Variants in RIMS2 observed in about 807,000 individuals in gnomAD.
RIMS2 encodes the protein regulating synaptic membrane exocytosis 2, also known as regulating synaptic membrane exocytosis protein 2.
Under a neutral mutation model 174.4 loss-of-function variants are expected in RIMS2, and 59 were observed. The ratio of observed to expected loss-of-function variants is 0.34; its 90% CI spans 0.27 to 0.42. The LOEUF (loss-of-function observed/expected upper bound fraction) is 0.42. Among genes scored for constraint, RIMS2 ranks in the 10% least tolerant of loss-of-function variants. The pLI is 1.00. For missense variants in RIMS2, 1,620 were observed against 1,666.3 expected, an observed-to-expected ratio of 0.97 and a Z score of 0.48; for synonymous variants, 606 against 572.5, an observed-to-expected ratio of 1.06 and a Z score of -0.84.
intron 19 of RIMS2, among the ~76,000 whole-genome samples, chr8:104,230,222 T>C (rs1563891770): frequency 6.8e-6 from 1 of 146,094 alleles, no homozygotes; most frequent in South Asian, 2.1e-4. Flanking sequence ...GAGGTTGGGG[T>C]GAGCTGAGAT....
At chr8:104,109,296 C>CAAAAAAAAAA (rs1170353786) in intron 19 of RIMS2, among the ~76,000 whole-genome samples, 1 of 50,218 alleles carries the variant, frequency 2.0e-5, no homozygotes, top group Admixed American at 2.1e-4. Flanking sequence ...GACTCTGTCT[C>CAAAAAAAAAA]AAAAAAAAAA....
intron 4 of RIMS2, among the ~76,000 whole-genome samples, chr8:103,897,027 G>A (rs914320663): frequency 1.6e-4 from 24 of 151,666 alleles, no homozygotes; most frequent in Middle Eastern, 3.4e-3. Context: ...AAAGAGCCCC[G>A]TTACCCAAAG....
Position 103,913,744 on chromosome 8 carries a change from G to A in RIMS2, c.1812+1572G>A, listed in dbSNP as rs183932665. ...CGCATGTCACATGGCAAAAGCAGGA[G>A]CAAGAGAGAGTGGGAGTGGGAAGCA... On this transcript the variant is annotated intron_variant, in intron 6 of 23. Transcript: ENST00000504942. 4.4e-4 allele frequency among the ~76,000 whole-genome samples: 67 copies of A among 152,182 alleles called. No homozygotes were observed. In the East Asian group the frequency reaches 0.012, roughly 27 times the overall value.
chr8:103,989,249 G>A (rs2094542018), intron 16 of RIMS2, 56 bp from the exon 19 acceptor site: 4 of 1,035,932 alleles, frequency 3.9e-6, no homozygotes. Context: ...AATAAACCTC[G>A]TTTCTTAGTG....
At chr8:103,765,407 T>C (rs901378148) in intron 2 of RIMS2, among the ~76,000 whole-genome samples, 9 of 152,118 alleles carry the variant, frequency 5.9e-5, no homozygotes, top group African/African-American at 2.2e-4. Context: ...TTAGTGGGTG[T>C]AGAGTTTCAA....
intron 19 of RIMS2, among the ~76,000 whole-genome samples, chr8:104,028,463 A>G (rs2096305479): frequency 6.6e-6 from 1 of 152,166 alleles, no homozygotes. Context: ...TGAATTTTAA[A>G]AACAAATTAA....
intron 19 of RIMS2, among the ~76,000 whole-genome samples, chr8:104,122,141 G>C (rs2098383732): frequency 6.6e-6 from 1 of 152,060 alleles, no homozygotes; most frequent in Non-Finnish European, 1.5e-5. Flanking sequence ...GGAGATGGAA[G>C]CATTGCCTCA....
At chr8:103,983,725 C>T (rs1346592712) in intron 16 of RIMS2, among the ~76,000 whole-genome samples, 1 of 152,200 alleles carries the variant, frequency 6.6e-6, no homozygotes, top group South Asian at 2.1e-4. Flanking sequence ...ACCCCTATCT[C>T]TTGCCATATA....
intron 9 of RIMS2, chr8:103,918,711 TTAGATAGCATTATTA>T (rs2154528976): frequency 2.0e-6 from 1 of 497,398 alleles, no homozygotes; most frequent in East Asian, 3.3e-5. Context: ...TTACAGATTT[TTAGATAGCATTATTA>T]AGGTATACTA....
chr8:103,586,693 A>T (rs2093939421), intron 1 of RIMS2, among the ~76,000 whole-genome samples: 2 of 152,248 alleles, frequency 1.3e-5, no homozygotes, highest in South Asian at 4.1e-4. Context: ...CTAGAAAAGC[A>T]AGAGCACACT....
At chr8:103,650,476 C>T (rs138332133) in intron 1 of RIMS2, among the ~76,000 whole-genome samples, 1 of 152,344 alleles carries the variant, frequency 6.6e-6, no homozygotes, top group African/African-American at 2.4e-5. Context: ...TCAGGGGTCT[C>T]TTCTTTGTCT....
At chr8:103,843,687 T>A (rs2098953216) in intron 3 of RIMS2, among the ~76,000 whole-genome samples, 1 of 152,206 alleles carries the variant, frequency 6.6e-6, no homozygotes. Flanking sequence ...TAATACTTTA[T>A]CATAACTATG....
chr8:103,643,193 G>C (rs1197445999), intron 1 of RIMS2, among the ~76,000 whole-genome samples: 2 of 151,806 alleles, frequency 1.3e-5, no homozygotes, highest in Non-Finnish European at 2.9e-5. Flanking sequence ...CTGCTCTGTT[G>C]ATGAGTCTGT....
At chr8:103,572,206 C>T (rs908318092) in intron 1 of RIMS2, among the ~76,000 whole-genome samples, 2 of 152,124 alleles carry the variant, frequency 1.3e-5, no homozygotes, top group Admixed American at 6.6e-5. Flanking sequence ...CTTAAAGGTG[C>T]CGCGGACCCA....
chr8:104,163,318 A>T (rs2134900796), intron 19 of RIMS2, among the ~76,000 whole-genome samples: 1 of 152,310 alleles, frequency 6.6e-6, no homozygotes, highest in Non-Finnish European at 1.5e-5. Flanking sequence ...GTAAATATTT[A>T]TTGAACTTCC....
At chr8:103,604,139 G>A (rs1224156290) in intron 1 of RIMS2, among the ~76,000 whole-genome samples, 39 of 149,310 alleles carry the variant, frequency 2.6e-4, no homozygotes, top group East Asian at 5.8e-4. Context: ...TAGGTCTAAC[G>A]TTTAAGTCTT....
chr8:104,103,152 A>G (rs1156438897), intron 19 of RIMS2, among the ~76,000 whole-genome samples: 6 of 152,034 alleles, frequency 3.9e-5, no homozygotes, highest in Non-Finnish European at 5.9e-5. Flanking sequence ...ATATTGTATT[A>G]TTTCATTTAT....
intron 13 of RIMS2, among the ~76,000 whole-genome samples, chr8:103,942,069 T>C (rs1041874931): frequency 1.3e-5 from 2 of 152,168 alleles, no homozygotes; most frequent in East Asian, 1.9e-4. Flanking sequence ...ATGGGGTTTG[T>C]TGTGCAGATT....
chr8:104,056,091 T>G (rs914623383), intron 19 of RIMS2, among the ~76,000 whole-genome samples: 1 of 152,064 alleles, frequency 6.6e-6, no homozygotes, highest in Non-Finnish European at 1.5e-5. Context: ...AAAAAACACT[T>G]AAACATCATT....
Sources: gnomAD v4.1 joint callset for allele counts (sites outside exome capture counted in the v4.1 genomes callset) on GRCh38, gnomAD v4.1.1 for gene constraint, MANE v1.5 for transcripts, NCBI Gene and HGNC (gene_info 2026-07-23, HGNC 2026-07-21) for gene names.